Variants in WASHC4 observed in about 807,000 individuals in gnomAD.
WASHC4 encodes WASH complex subunit 7.
Under a neutral mutation model 166.6 loss-of-function variants are expected in WASHC4, and 86 were observed. The observed-to-expected ratio is 0.52, with a 90% CI of 0.43 to 0.62. The LOEUF (loss-of-function observed/expected upper bound fraction) is 0.62, where lower values mean the gene tolerates loss of function less well. Ranked by LOEUF, WASHC4 falls within the 20% of genes least tolerant of loss-of-function variation. The pLI, the probability that WASHC4 is intolerant of heterozygous loss-of-function variation, is 0.00. For synonymous variants in WASHC4, 446 were observed against 451.6 expected, an observed-to-expected ratio of 0.99 and a Z score of 0.16; for missense variants, 1,262 against 1,382.4, an observed-to-expected ratio of 0.91 and a Z score of 1.38.
intron 30 of WASHC4, among the ~76,000 whole-genome samples, chr12:105,163,475 A>G (rs772347332): frequency 3.3e-5 from 5 of 151,730 alleles, no homozygotes; most frequent in Non-Finnish European, 7.4e-5. Context: ...AGCTTCCTCA[A>G]TTGCCATCTT....
chr12:105,135,051 C>A lies in WASHC4; in HGVS notation c.1326+1155C>A. Among the ~76,000 whole-genome samples the A allele has an allele frequency of 1.3e-5, 2 of 151,946 alleles. 1 individual carries two copies. Among genetic ancestry groups the A allele is most frequent in the Non-Finnish European group, 2.9e-5 (2 of 67,910 alleles). On this transcript the variant is annotated intron_variant, in intron 14 of 32. Coordinates refer to ENST00000332180, the MANE Select transcript of WASHC4 (RefSeq NM_015275.3). ...GCTCTAATGTATGTTAGTAGTTTTA[C>A]CACTTTCCTGACGGTATAAGGATCT...
intron 28 of WASHC4, 57 bp downstream of exon 28, chr12:105,157,379 A>G: frequency 1.0e-6 from 1 of 952,680 alleles, no homozygotes; most frequent in Non-Finnish European, 1.7e-6. Flanking sequence ...TCTGAAGAGA[A>G]GACCAGAGGG....
intron 6 of WASHC4, among the ~76,000 whole-genome samples, chr12:105,117,775 G>A (rs1342300833): frequency 6.6e-6 from 1 of 152,128 alleles, no homozygotes; most frequent in African/African-American, 2.4e-5. Context: ...TTTTAATTAG[G>A]TTTTAAATAC....
At chr12:105,160,185 T>TA (rs201412695) in intron 29 of WASHC4, 37 bp downstream of exon 29, 15,652 of 1,530,782 alleles carry the variant, frequency 0.01, 105 homozygotes, top group Non-Finnish European at 0.012. Flanking sequence ...ATTTTTTTTT[T>TA]AAAAAGAGTA....
intron 10 of WASHC4, 85 bp downstream of exon 10, chr12:105,122,323 T>C: frequency 2.2e-6 from 3 of 1,342,510 alleles, no homozygotes; most frequent in Non-Finnish European, 3.1e-6. Context: ...TTTTATAATA[T>C]ACTGTTGAAT....
Position 105,152,353 on chromosome 12 carries a change from A to G in WASHC4, c.2660A>G (p.Asp887Gly). The G allele has an allele frequency of 6.4e-7, 1 of 1,569,112 alleles. No homozygotes were observed. Among genetic ancestry groups the G allele is most frequent in the Non-Finnish European group, 8.8e-7 (1 of 1,139,492 alleles). The change falls in exon 26 of 33, where the codon GAT becomes GGT. Residue 887 changes from aspartate (D) to glycine (G), a missense_variant. By Grantham distance (94) the Asp-to-Gly change is moderately conservative. Coordinates refer to ENST00000332180, the MANE Select transcript of WASHC4 (RefSeq NM_015275.3). The stretch of plus-strand genomic sequence containing the variant: ...AAATTTTCTGTCTAGTATCCTTTTG[A>G]TAGAGCAGAAAAATTCAATCGAGGC... The part of the protein sequence containing the change: ...KDQNDHKYPF[D>G]RAEKFNRGIR...
At chr12:105,156,825 A>G (rs1884192311) in intron 27 of WASHC4, 33 bp downstream of exon 27, 1 of 1,515,596 alleles carries the variant, frequency 6.6e-7, no homozygotes. Context: ...TGCCTTGTTT[A>G]TGCCATTTTA....
intron 13 of WASHC4, among the ~76,000 whole-genome samples, chr12:105,128,823 G>T (rs1229060793): frequency 1.3e-5 from 2 of 151,676 alleles, no homozygotes; most frequent in African/African-American, 4.8e-5. Context: ...CTGTTGCCCA[G>T]GCTGGAGTGC....
In WASHC4 at chr12:105,107,775, C is replaced by T. The variant is rs2135710281; in HGVS notation, c.-26C>T. ...TCGTCGCCGCACGGGCTGGTTGGGG[C>T]TGTGTCTGTGGGAGGCGCCGGGGTG... On this transcript the variant is annotated 5_prime_UTR_variant, in exon 1 of 33. Transcript: ENST00000332180. 3.2e-6 allele frequency: 5 copies of T among 1,539,522 alleles called. No individual in the cohort carries two copies. The highest frequency in any genetic ancestry group is 2.7e-5 in the African/African-American group (2 of 72,900).
At position 105,142,440 on chromosome 12, in the gene WASHC4, C is replaced by G; in HGVS notation, c.1788-13C>G. On this transcript the variant is annotated splice_polypyrimidine_tract_variant and intron_variant, in intron 18 of 32. Transcript: ENST00000332180. The stretch of plus-strand genomic sequence containing the variant: ...TCAGTTTTGGTGTGACTGATTACTA[C>G]TTTACATTGTAGAGTCCAAACACAA... The G allele has an allele frequency of 6.7e-7, 1 of 1,499,918 alleles. No homozygotes were observed. Among genetic ancestry groups the G allele is most frequent in the Non-Finnish European group, 9.3e-7 (1 of 1,077,132 alleles). 92.9% of individuals were successfully genotyped at this position (1,499,918 alleles called of 1,614,324 possible).
At chr12:105,146,560 G>A (rs768522415) in intron 23 of WASHC4, 34 bp downstream of exon 23, 7 of 1,151,444 alleles carry the variant, frequency 6.1e-6, no homozygotes, top group Non-Finnish European at 9.2e-6. Flanking sequence ...TTTTTTTAAT[G>A]TAGGTGGAGA....
chr12:105,157,182 C>T (rs1289319363), intron 27 of WASHC4, 54 bp from the exon 28 acceptor site: 2 of 886,934 alleles, frequency 2.3e-6, no homozygotes, highest in East Asian at 4.8e-5. Context: ...ATATCTGTGT[C>T]AATTGCACAT....
At chr12:105,139,763 C>G (rs550252083) in intron 15 of WASHC4, among the ~76,000 whole-genome samples, 51 of 151,846 alleles carry the variant, frequency 3.4e-4, no homozygotes, top group African/African-American at 1.2e-3. Flanking sequence ...ACATTAGTCA[C>G]TTGTACCTGG....
At position 105,141,227 on chromosome 12, in the gene WASHC4, ATTAGTGAAC is replaced by A; in HGVS notation, c.1773_1781del (p.Ser591_Leu593del). Reference sequence around the variant, plus strand: ...AGTAGTCATGAAAAAACTGGATCTTATTAGTGAACTTAGAGAACGGTAAGTAGGACTGGG... The same window carrying A: ...AGTAGTCATGAAAAAACTGGATCTTATTAGAGAACGGTAAGTAGGACTGGG... On this transcript the variant is annotated inframe_deletion, in exon 18 of 33. Transcript: ENST00000332180. 6.2e-7 allele frequency: 1 copy of A among 1,609,786 alleles called. No homozygotes were observed. The highest frequency in any genetic ancestry group is 8.5e-7 in the Non-Finnish European group (1 of 1,176,038).
rs76617209 is a variant in WASHC4 at position 105,126,212 on chromosome 12, C to G, written c.911-23C>G. The G allele has an allele frequency of 1.1e-3, 1,742 of 1,612,462 alleles. 14 individuals carry two copies. In the African/African-American group the frequency reaches 0.021, roughly 19 times the overall value. On this transcript the variant is annotated intron_variant, in intron 11 of 32. Coordinates refer to ENST00000332180, the MANE Select transcript of WASHC4 (RefSeq NM_015275.3). ...AATTGAAGTATATTTGTTCTGCTTT[C>G]TCTTATGTTATTGATTTGTAAGGAG... is the stretch of plus-strand genomic sequence containing the variant.
At chr12:105,109,408 C>T (rs1248329148) in intron 1 of WASHC4, among the ~76,000 whole-genome samples, 4 of 152,118 alleles carry the variant, frequency 2.6e-5, no homozygotes, top group Non-Finnish European at 5.9e-5. Flanking sequence ...AAAGATAAAA[C>T]AAGGAGTGCA....
intron 6 of WASHC4, among the ~76,000 whole-genome samples, chr12:105,115,952 T>C (rs1880140950): frequency 6.6e-6 from 1 of 152,156 alleles, no homozygotes; most frequent in African/African-American, 2.4e-5. Flanking sequence ...TGTATATTTC[T>C]TTATGGACAA....
At chr12:105,115,257 C>G (rs763785487) in intron 5 of WASHC4, 28 bp downstream of exon 5, 9 of 1,377,194 alleles carry the variant, frequency 6.5e-6, no homozygotes, top group South Asian at 2.3e-5. Context: ...AATTGTGATG[C>G]CTTTTTGATA....
chr12:105,112,257 T>C (rs1368050212), intron 2 of WASHC4, among the ~76,000 whole-genome samples: 1 of 152,218 alleles, frequency 6.6e-6, no homozygotes, highest in East Asian at 1.9e-4. Context: ...CTGAATAATA[T>C]TCCATTGTAA....
Sources: gnomAD v4.1 joint callset for allele counts (sites outside exome capture counted in the v4.1 genomes callset) on GRCh38, gnomAD v4.1.1 for gene constraint, MANE v1.5 for transcripts, NCBI Gene and HGNC (gene_info 2026-07-23, HGNC 2026-07-21) for gene names.